SIPA1L3: variants seen among roughly 807,000 people sequenced by gnomAD.
The protein encoded by SIPA1L3 is signal-induced proliferation-associated 1-like protein 3.
In SIPA1L3, 59 loss-of-function variants were observed where a neutral mutation model predicts 150.1. The observed-to-expected ratio is 0.39, with a 90% CI of 0.32 to 0.49. The LOEUF (loss-of-function observed/expected upper bound fraction) is 0.49, where lower values mean the gene tolerates loss of function less well. Ranked by LOEUF, SIPA1L3 falls within the 20% of genes least tolerant of loss-of-function variation. The pLI, the probability that SIPA1L3 is intolerant of heterozygous loss-of-function variation, is 0.86. For missense variants in SIPA1L3, 2,211 were observed against 2,489.5 expected, an observed-to-expected ratio of 0.89 and a Z score of 2.38; for synonymous variants, 1,070 against 1,077.6, an observed-to-expected ratio of 0.99 and a Z score of 0.14.
At chr19:37,915,727 C>G (rs2046409559) in intron 1 of SIPA1L3, among the ~76,000 whole-genome samples, 1 of 152,146 alleles carries the variant, frequency 6.6e-6, no homozygotes, top group Admixed American at 6.5e-5. Context: ...GTTAAAGTAT[C>G]ATACTATAGC....
chr19:38,003,906 C>T (rs1406233175), intron 1 of SIPA1L3, among the ~76,000 whole-genome samples: 1 of 152,094 alleles, frequency 6.6e-6, no homozygotes, highest in Admixed American at 6.5e-5. Flanking sequence ...CCCCCACCCC[C>T]ACCCCCAGGC....
intron 1 of SIPA1L3, among the ~76,000 whole-genome samples, chr19:37,959,658 T>C (rs916975163): frequency 2.0e-5 from 3 of 152,222 alleles, no homozygotes; most frequent in Non-Finnish European, 2.9e-5. Flanking sequence ...ACGTTTGATG[T>C]GATTGTTGGT....
Position 37,977,173 on chromosome 19 carries a change from T to A in SIPA1L3, c.-378-51916T>A, listed in dbSNP as rs182872852. On this transcript the variant is annotated intron_variant, in intron 1 of 21. Coordinates refer to ENST00000222345, the MANE Select transcript of SIPA1L3 (RefSeq NM_015073.3). The stretch of plus-strand genomic sequence containing the variant: ...ATTATTTTTATTTTATTAAAAAAAA[T>A]TTTTTTTATGAGATGGAGGCTTGCT... Among the ~76,000 whole-genome samples, 642 of 151,876 alleles carry A rather than the reference T, an allele frequency of 4.2e-3. 12 individuals are homozygous for A. The East Asian group carries it at 0.046, about 11-fold the overall frequency.
At chr19:38,088,660 G>A in intron 3 of SIPA1L3, 61 bp from the exon 4 acceptor site, 1 of 1,584,718 alleles carries the variant, frequency 6.3e-7, no homozygotes, top group South Asian at 1.1e-5. Flanking sequence ...AGGCCTGCTG[G>A]GCATCAGGGC....
chr19:38,170,497 C>G (rs1418728239), intron 15 of SIPA1L3, among the ~76,000 whole-genome samples: 1 of 152,176 alleles, frequency 6.6e-6, no homozygotes, highest in Non-Finnish European at 1.5e-5. Flanking sequence ...TGAACAGGCC[C>G]AGCATGAGCA....
intron 1 of SIPA1L3, among the ~76,000 whole-genome samples, chr19:37,976,974 A>G (rs187428366): frequency 3.3e-4 from 50 of 152,144 alleles, no homozygotes; most frequent in African/African-American, 1.2e-3. Context: ...AGCTGGGACT[A>G]TAGGCATGTG....
chr19:38,166,968 C>T, intron 15 of SIPA1L3, among the ~76,000 whole-genome samples: 1 of 151,874 alleles, frequency 6.6e-6, no homozygotes, highest in Non-Finnish European at 1.5e-5. Context: ...TGAGCAGTGG[C>T]TCACGCCTGT....
rs34993739 is a variant in SIPA1L3 at position 37,930,025 on chromosome 19, AT to A, written c.-379+22685del. On this transcript the variant is annotated intron_variant, in intron 1 of 21. Coordinates refer to ENST00000222345, the MANE Select transcript of SIPA1L3 (RefSeq NM_015073.3). ...AGGTGCATGCCACCGTGCCTGGCAA[AT>A]TTTTTTTTTTTTTTTTTAGTTGGAG... 2.8e-3 allele frequency among the ~76,000 whole-genome samples: 366 copies of A among 131,702 alleles called. 1 individual carries two copies. The highest frequency in any genetic ancestry group is 5.4e-3 in the South Asian group (21 of 3,918). 86.4% of individuals were successfully genotyped at this position (131,702 alleles called of 152,430 possible). A position where few individuals can be genotyped will look rare whatever the true frequency, so the allele number is the denominator to read the frequency against.
chr19:38,197,586 G>T (rs925841923), intron 18 of SIPA1L3, among the ~76,000 whole-genome samples: 2 of 151,666 alleles, frequency 1.3e-5, no homozygotes, highest in African/African-American at 4.9e-5. Flanking sequence ...GCCAGCCTCC[G>T]TCCCACCATC....
At chr19:37,999,228 C>T (rs1221152403) in intron 1 of SIPA1L3, among the ~76,000 whole-genome samples, 1 of 152,128 alleles carries the variant, frequency 6.6e-6, no homozygotes, top group African/African-American at 2.4e-5. Flanking sequence ...CATCTCTTTC[C>T]TGCTGAGGAG....
chr19:37,975,976 G>A (rs1967064813), intron 1 of SIPA1L3, among the ~76,000 whole-genome samples: 1 of 152,056 alleles, frequency 6.6e-6, no homozygotes, highest in Admixed American at 6.5e-5. Context: ...GTGGTGGCGG[G>A]CGCCAGTAAT....
intron 1 of SIPA1L3, among the ~76,000 whole-genome samples, chr19:38,009,323 C>T (rs1968044736): frequency 6.6e-6 from 1 of 152,072 alleles, no homozygotes; most frequent in Non-Finnish European, 1.5e-5. Flanking sequence ...CAGCCCTATT[C>T]TGGGCTATTA....
chr19:38,191,887 T>C (rs1252235489), intron 16 of SIPA1L3, among the ~76,000 whole-genome samples: 1 of 152,196 alleles, frequency 6.6e-6, no homozygotes, highest in Non-Finnish European at 1.5e-5. Flanking sequence ...CCTCCCCCAC[T>C]GGCTGCCAGC....
At chr19:38,084,908 G>T (rs954602604) in intron 3 of SIPA1L3, among the ~76,000 whole-genome samples, 1 of 151,842 alleles carries the variant, frequency 6.6e-6, no homozygotes, top group Non-Finnish European at 1.5e-5. Context: ...CCAAAGAGTT[G>T]GGATTACAGG....
chr19:38,067,616 G>T (rs1347031927), intron 2 of SIPA1L3, among the ~76,000 whole-genome samples: 1 of 152,054 alleles, frequency 6.6e-6, no homozygotes, highest in Non-Finnish European at 1.5e-5. Context: ...ACAAAAATTA[G>T]CTGGGCATGG....
chr19:37,925,498 G>A (rs890161395), intron 1 of SIPA1L3, among the ~76,000 whole-genome samples: 1 of 152,054 alleles, frequency 6.6e-6, no homozygotes, highest in Non-Finnish European at 1.5e-5. Flanking sequence ...AGGGTAGAGA[G>A]GAGATATTTG....
intron 1 of SIPA1L3, 199 bp downstream of exon 1, chr19:37,907,557 C>T (rs1384365233): frequency 6.6e-6 from 1 of 152,168 alleles, no homozygotes; most frequent in East Asian, 1.9e-4. Context: ...TGCACCCCGG[C>T]GCTGTGGTGA....
intron 10 of SIPA1L3, among the ~76,000 whole-genome samples, chr19:38,132,795 G>T (rs1342150480): frequency 6.6e-6 from 1 of 151,616 alleles, no homozygotes; most frequent in Non-Finnish European, 1.5e-5. Flanking sequence ...TTACAGGCAT[G>T]TAGCACCACA....
At chr19:38,061,643 A>G (rs1969447978) in intron 2 of SIPA1L3, among the ~76,000 whole-genome samples, 1 of 152,002 alleles carries the variant, frequency 6.6e-6, no homozygotes, top group African/African-American at 2.4e-5. Flanking sequence ...AGAGACAGGT[A>G]CAGGGATGCA....
Sources: gnomAD v4.1 joint callset for allele counts (sites outside exome capture counted in the v4.1 genomes callset) on GRCh38, gnomAD v4.1.1 for gene constraint, MANE v1.5 for transcripts, NCBI Gene and HGNC (gene_info 2026-07-23, HGNC 2026-07-21) for gene names.